KCNQ1OT1: variants seen among roughly 807,000 people sequenced by gnomAD.
The protein encoded by KCNQ1OT1 is KCNQ1 opposite strand/antisense transcript 1, also known as KCNQ1 antisense RNA 2 (non-protein coding).
exon 1 of KCNQ1OT1, chr11:2,665,089 G>T (rs1028537060): frequency 5.3e-5 from 21 of 398,392 alleles, no homozygotes; most frequent in Non-Finnish European, 1.3e-5. Flanking sequence ...GGGTACCCAG[G>T]AGATAAAGAG....
chr11:2,688,792 C>T (rs369902366), exon 1 of KCNQ1OT1: 41 of 398,784 alleles, frequency 1.0e-4, no homozygotes, highest in African/African-American at 7.4e-4. Flanking sequence ...TACTTGCCCT[C>T]CCCCACACAC....
chr11:2,639,428 A>G (rs1849533278), exon 1 of KCNQ1OT1: 4 of 152,128 alleles, frequency 2.6e-5, no homozygotes, highest in Admixed American at 6.5e-5. Flanking sequence ...TTTCCTTCTA[A>G]CAGTCAGGAC....
chr11:2,612,003 T>A lies in KCNQ1OT1; in HGVS notation n.87992A>T, dbSNP rs1250455848. ...CTCAGTACTCTTATTAACACATATGTTGTTACTCCTTAATTCCACATATGT... is the reference window on the plus strand; with the variant it reads ...CTCAGTACTCTTATTAACACATATGATGTTACTCCTTAATTCCACATATGT... On this transcript the variant is annotated non_coding_transcript_exon_variant, in exon 1 of 1. Coordinates refer to ENST00000597346, the Ensembl canonical transcript of KCNQ1OT1. The surrounding 1 kb of genome is among the most constrained non-coding windows in gnomAD (Gnocchi z 5.5). 3 of 398,548 alleles carry A rather than the reference T, an allele frequency of 7.5e-6. No individual in the cohort carries two copies. The highest frequency in any genetic ancestry group is 1.3e-5 in the Non-Finnish European group (3 of 226,068). The allele number at this position is 398,548 out of a possible 1,614,324, so 24.7% of individuals were successfully genotyped here.
Position 2,682,547 on chromosome 11 carries a change from G to C in KCNQ1OT1, n.17448C>G. 1 of 398,540 alleles carries C rather than the reference G, an allele frequency of 2.5e-6. No individual in the cohort carries two copies. Among genetic ancestry groups the C allele is most frequent in the East Asian group, 3.6e-5 (1 of 28,058 alleles). 24.7% of individuals were successfully genotyped at this position (398,540 alleles called of 1,614,324 possible). On this transcript the variant is annotated non_coding_transcript_exon_variant, in exon 1 of 1. Transcript: ENST00000597346. The surrounding 1 kb of genome is among the most constrained non-coding windows in gnomAD (Gnocchi z 5.8). ...CAAACCAGGTGCTAGGACCCTGGCA[G>C]GGGTTCCATAAGGCTATGCTGGGGT...
chr11:2,684,729 G>T, exon 1 of KCNQ1OT1: 1 of 398,586 alleles, frequency 2.5e-6, no homozygotes, highest in Non-Finnish European at 4.4e-6. Context: ...GAGAACCCAG[G>T]GTAGGTCTGC....
rs1433180404 is a variant in KCNQ1OT1 at position 2,623,431 on chromosome 11, C to T, written n.76564G>A. ...TCTGTGCACTGCCTATTCAACCCTT[C>T]TTCCCCAACAACCCTTGGCAACCAC... On this transcript the variant is annotated non_coding_transcript_exon_variant, in exon 1 of 1. Coordinates refer to ENST00000597346, the Ensembl canonical transcript of KCNQ1OT1. The surrounding 1 kb of genome is among the most constrained non-coding windows in gnomAD (Gnocchi z 5.2). 2.5e-6 allele frequency: 1 copy of T among 398,510 alleles called. No individual in the cohort carries two copies. The highest frequency in any genetic ancestry group is 2.1e-5 in the African/African-American group (1 of 48,638). The allele number at this position is 398,510 out of a possible 1,614,324, so 24.7% of individuals were successfully genotyped here.
exon 1 of KCNQ1OT1, chr11:2,632,027 A>G: frequency 2.5e-6 from 1 of 396,294 alleles, no homozygotes; most frequent in East Asian, 3.6e-5. Flanking sequence ...CTAAAAATAC[A>G]AAAACATTAG....
At position 2,626,956 on chromosome 11, in the gene KCNQ1OT1, A is replaced by G; in HGVS notation, n.73039T>C. ...TAGGATGGGGTTTCTTCTTTCTGCAAATAACATCATTAGGATTTTTATTGG... is the reference window on the plus strand; with the variant it reads ...TAGGATGGGGTTTCTTCTTTCTGCAGATAACATCATTAGGATTTTTATTGG... On this transcript the variant is annotated non_coding_transcript_exon_variant, in exon 1 of 1. Coordinates refer to ENST00000597346, the Ensembl canonical transcript of KCNQ1OT1. The surrounding 1 kb of genome is among the most constrained non-coding windows in gnomAD (Gnocchi z 4.0). The G allele has an allele frequency of 2.5e-6, 1 of 398,624 alleles. No individual in the cohort carries two copies. Among genetic ancestry groups the G allele is most frequent in the Admixed American group, 4.4e-5 (1 of 22,734 alleles). 24.7% of individuals were successfully genotyped at this position (398,624 alleles called of 1,614,324 possible).
Position 2,677,785 on chromosome 11 carries a change from T to C in KCNQ1OT1, n.22210A>G, listed in dbSNP as rs575538784. 2.5e-5 allele frequency: 10 copies of C among 398,538 alleles called. No individual in the cohort carries two copies. The highest frequency in any genetic ancestry group is 4.4e-5 in the Non-Finnish European group (10 of 226,034). 24.7% of individuals were successfully genotyped at this position (398,538 alleles called of 1,614,324 possible). A position where few individuals can be genotyped will look rare whatever the true frequency, so the allele number is the denominator to read the frequency against. On this transcript the variant is annotated non_coding_transcript_exon_variant, in exon 1 of 1. Coordinates refer to ENST00000597346, the Ensembl canonical transcript of KCNQ1OT1. This position sits in a 1 kb window ranked among gnomAD's most constrained non-coding sequence, Gnocchi z 4.5. ...TTAAGAGATCCTCCCTTTCCCCCCA[T>C]TTCCAGCAGGATTAAAATGTTCATT...
chr11:2,649,607 G>A (rs1446898036), exon 1 of KCNQ1OT1: 1 of 398,410 alleles, frequency 2.5e-6, no homozygotes, highest in Non-Finnish European at 4.4e-6. Flanking sequence ...TCCCCACCTT[G>A]CAGCACTTTT....
chr11:2,693,931 C>T (rs1001596229), exon 1 of KCNQ1OT1: 15 of 398,704 alleles, frequency 3.8e-5, no homozygotes, highest in Admixed American at 8.8e-5. Flanking sequence ...ATCCGGTATC[C>T]GCTGAGAACC....
rs2133870597 is a variant in KCNQ1OT1 at position 2,673,095 on chromosome 11, AC to A, written n.26899del. 2.5e-6 allele frequency: 1 copy of A among 398,918 alleles called. No individual in the cohort carries two copies. The highest frequency in any genetic ancestry group is 1.3e-4 in the South Asian group (1 of 7,862). The allele number at this position is 398,918 out of a possible 1,614,324, so 24.7% of individuals were successfully genotyped here. On this transcript the variant is annotated non_coding_transcript_exon_variant, in exon 1 of 1. Coordinates refer to ENST00000597346, the Ensembl canonical transcript of KCNQ1OT1. The surrounding 1 kb of genome is among the most constrained non-coding windows in gnomAD (Gnocchi z 4.5). ...TCAGGCCACAGTAGGCCTTCACGGT[AC>A]TCAGCAGGAGACCCCAGCAGGCAGC...
In KCNQ1OT1 at chr11:2,695,470, G is replaced by A. The variant is rs777151157; in HGVS notation, n.4525C>T. 12 of 398,540 alleles carry A rather than the reference G, an allele frequency of 3.0e-5. No homozygotes were observed. Among genetic ancestry groups the A allele is most frequent in the Admixed American group, 4.4e-5 (1 of 22,718 alleles). The allele number at this position is 398,540 out of a possible 1,614,324, so 24.7% of individuals were successfully genotyped here. Reference sequence around the variant, plus strand: ...GTCACTCAGCACTGTGTTTCCACGCGTCTCTATCTTGTGAAGTGTACATCT... The same window carrying A: ...GTCACTCAGCACTGTGTTTCCACGCATCTCTATCTTGTGAAGTGTACATCT... On this transcript the variant is annotated non_coding_transcript_exon_variant, in exon 1 of 1. Coordinates refer to ENST00000597346, the Ensembl canonical transcript of KCNQ1OT1. The surrounding 1 kb of genome is among the most constrained non-coding windows in gnomAD (Gnocchi z 5.2).
Position 2,610,772 on chromosome 11 carries a change from C to G in KCNQ1OT1, n.89223G>C, listed in dbSNP as rs1042577559. 35 of 343,658 alleles carry G rather than the reference C, an allele frequency of 1.0e-4. No individual in the cohort carries two copies. Among genetic ancestry groups the G allele is most frequent in the Non-Finnish European group, 1.6e-4 (33 of 201,568 alleles). 21.3% of individuals were successfully genotyped at this position (343,658 alleles called of 1,614,324 possible). A position where few individuals can be genotyped will look rare whatever the true frequency, so the allele number is the denominator to read the frequency against. On this transcript the variant is annotated non_coding_transcript_exon_variant, in exon 1 of 1. Transcript: ENST00000597346. ...CTTTGAGCACTTGGGATCTGTTACC[C>G]CACTACTTTCTGGGTACCACTGTTT...
chr11:2,676,957 A>C lies in KCNQ1OT1; in HGVS notation n.23038T>G. 5.0e-6 allele frequency: 2 copies of C among 398,666 alleles called. No homozygotes were observed. The highest frequency in any genetic ancestry group is 7.1e-5 in the East Asian group (2 of 28,082). 24.7% of individuals were successfully genotyped at this position (398,666 alleles called of 1,614,324 possible). On this transcript the variant is annotated non_coding_transcript_exon_variant, in exon 1 of 1. Coordinates refer to ENST00000597346, the Ensembl canonical transcript of KCNQ1OT1. The surrounding 1 kb of genome is among the most constrained non-coding windows in gnomAD (Gnocchi z 4.2). Reference sequence around the variant, plus strand: ...TCTGGAGATGGATCTGTATTAAGACATCTAGCAAATCTCCTTTTCATTAAC... The same window carrying C: ...TCTGGAGATGGATCTGTATTAAGACCTCTAGCAAATCTCCTTTTCATTAAC...
At chr11:2,694,179 C>G (rs1361920445) in exon 1 of KCNQ1OT1, 1 of 398,544 alleles carries the variant, frequency 2.5e-6, no homozygotes, top group East Asian at 3.6e-5. Flanking sequence ...TTGGCCAGGC[C>G]TGGGCCAGGG....
chr11:2,612,560 T>C lies in KCNQ1OT1; in HGVS notation n.87435A>G. 1 of 398,638 alleles carries C rather than the reference T, an allele frequency of 2.5e-6. No homozygotes were observed. Among genetic ancestry groups the C allele is most frequent in the Non-Finnish European group, 4.4e-6 (1 of 226,064 alleles). The allele number at this position is 398,638 out of a possible 1,614,324, so 24.7% of individuals were successfully genotyped here. On this transcript the variant is annotated non_coding_transcript_exon_variant, in exon 1 of 1. Coordinates refer to ENST00000597346, the Ensembl canonical transcript of KCNQ1OT1. The surrounding 1 kb of genome is among the most constrained non-coding windows in gnomAD (Gnocchi z 5.5). The stretch of plus-strand genomic sequence containing the variant: ...AGTGAGTTTTTCACCTAAGTTATTA[T>C]ATTTCACAACTACAGAATTTCTATT...
At position 2,683,055 on chromosome 11, in the gene KCNQ1OT1, A is replaced by T. The variant is rs1850424929; in HGVS notation, n.16940T>A. 2.5e-6 allele frequency: 1 copy of T among 398,672 alleles called. No homozygotes were observed. The allele number at this position is 398,672 out of a possible 1,614,324, so 24.7% of individuals were successfully genotyped here. On this transcript the variant is annotated non_coding_transcript_exon_variant, in exon 1 of 1. Coordinates refer to ENST00000597346, the Ensembl canonical transcript of KCNQ1OT1. The surrounding 1 kb of genome is among the most constrained non-coding windows in gnomAD (Gnocchi z 4.7). The stretch of plus-strand genomic sequence containing the variant: ...TGACCTTCTCCCACTTCTTACAGGC[A>T]AGGCTCTTGCTAGCCTGAGGACCAG...
chr11:2,650,932 A>G (rs1004768952), exon 1 of KCNQ1OT1: 43 of 398,404 alleles, frequency 1.1e-4, no homozygotes, highest in Non-Finnish European at 1.6e-4. Context: ...TCTTTTTTAA[A>G]TTATCCTTTT....
Sources: allele counts gnomAD v4.1 joint callset, GRCh38; gene constraint gnomAD v4.1.1; non-coding constraint Gnocchi (gnomAD v3.1); transcripts MANE v1.5; gene names NCBI Gene and HGNC (gene_info 2026-07-23, HGNC 2026-07-21).